EIF4G3: variants seen among roughly 807,000 people sequenced by gnomAD.
EIF4G3 encodes eIF-4-gamma 3.
In EIF4G3, 34 loss-of-function variants were observed where a neutral mutation model predicts 186.4. The ratio of observed to expected loss-of-function variants is 0.18; its 90% CI spans 0.14 to 0.24. The LOEUF (loss-of-function observed/expected upper bound fraction) is 0.24, where lower values mean the gene tolerates loss of function less well. Among genes scored for constraint, EIF4G3 ranks in the 10% least tolerant of loss-of-function variants. EIF4G3 has a pLI of 1.00. For missense variants in EIF4G3, 1,536 were observed against 1,948.5 expected, an observed-to-expected ratio of 0.79 and a Z score of 3.99; for synonymous variants, 673 against 679.5, an observed-to-expected ratio of 0.99 and a Z score of 0.15.
At chr1:21,163,997 C>T (rs1259262340) in intron 2 of EIF4G3, among the ~76,000 whole-genome samples, 1 of 152,122 alleles carries the variant, frequency 6.6e-6, no homozygotes, top group East Asian at 1.9e-4. Context: ...TGGTCTCGTA[C>T]TCCTGACCTT....
chr1:20,863,754 C>T (rs2076939583), intron 22 of EIF4G3, among the ~76,000 whole-genome samples: 2 of 125,242 alleles, frequency 1.6e-5, no homozygotes, highest in Non-Finnish European at 3.5e-5. Context: ...GACCCTGTTA[C>T]TTAAAAAAAA....
At chr1:21,117,206 T>A (rs976995705) in intron 2 of EIF4G3, among the ~76,000 whole-genome samples, 2 of 152,134 alleles carry the variant, frequency 1.3e-5, no homozygotes, top group African/African-American at 2.4e-5. Context: ...ATTATCCACA[T>A]AATTGTCTAA....
chr1:20,849,300 T>C (rs2072455376), intron 29 of EIF4G3, 115 bp downstream of exon 29: 3 of 505,530 alleles, frequency 5.9e-6, no homozygotes, highest in Non-Finnish European at 1.0e-5. Context: ...AGGACTTGTA[T>C]TACTCAACCT....
intron 4 of EIF4G3, among the ~76,000 whole-genome samples, chr1:21,027,372 T>C (rs1369120979): frequency 1.3e-5 from 2 of 151,812 alleles, no homozygotes; most frequent in Non-Finnish European, 2.9e-5. Flanking sequence ...GGCTCGTGCC[T>C]GTAATCCCAG....
chr1:21,125,254 G>A (rs1337064345), intron 2 of EIF4G3, among the ~76,000 whole-genome samples: 1 of 152,108 alleles, frequency 6.6e-6, no homozygotes, highest in Non-Finnish European at 1.5e-5. Flanking sequence ...AATTCTAAAT[G>A]ATATTCAACT....
rs2094377034 is a variant in EIF4G3, at chr1:21,053,405, TG to T, written c.-195-2412del. Reference sequence around the variant, plus strand: ...CCCCCGCCCGGACAGCCGCCCCGTCTGGAAGGGAGGTGGGGGGGTTAGCCCA... The same window carrying T: ...CCCCCGCCCGGACAGCCGCCCCGTCTGAAGGGAGGTGGGGGGGTTAGCCCA... On this transcript the variant is annotated intron_variant, in intron 3 of 36. Coordinates refer to ENST00000602326, the MANE Select transcript of EIF4G3 (RefSeq NM_001391906.1). 2.1e-5 allele frequency among the ~76,000 whole-genome samples: 3 copies of T among 144,142 alleles called. No homozygotes were observed. The South Asian group carries it at 6.6e-4, about 32-fold the overall frequency. 94.6% of individuals were successfully genotyped at this position (144,142 alleles called of 152,430 possible).
At chr1:20,845,617 G>C (rs545916586) in intron 29 of EIF4G3, among the ~76,000 whole-genome samples, 1 of 151,978 alleles carries the variant, frequency 6.6e-6, no homozygotes, top group African/African-American at 2.4e-5. Context: ...AGCCGAGATC[G>C]CGCCACTGCA....
chr1:21,173,636 C>T (rs1032240416), intron 2 of EIF4G3, among the ~76,000 whole-genome samples: 8 of 151,972 alleles, frequency 5.3e-5, no homozygotes, highest in African/African-American at 1.7e-4. Flanking sequence ...TGCAGTGAGC[C>T]GAGATTACAC....
intron 2 of EIF4G3, among the ~76,000 whole-genome samples, chr1:21,127,864 CA>C (rs1276325304): frequency 6.6e-6 from 1 of 151,852 alleles, no homozygotes; most frequent in Non-Finnish European, 1.5e-5. Flanking sequence ...GCCAGTAAAG[CA>C]AAAAATATTT....
At chr1:20,881,491 CAAAATT>C (rs2082298698) in intron 19 of EIF4G3, among the ~76,000 whole-genome samples, 2 of 152,106 alleles carry the variant, frequency 1.3e-5, no homozygotes, top group Admixed American at 6.5e-5. Context: ...TCAATATTAT[CAAAATT>C]AAAAACAGGC....
At chr1:20,809,428 T>G (rs1570775542) in intron 36 of EIF4G3, among the ~76,000 whole-genome samples, 1 of 152,210 alleles carries the variant, frequency 6.6e-6, no homozygotes, top group Admixed American at 6.5e-5. Context: ...AAAGAACTAC[T>G]TGAGTGCTCT....
intron 4 of EIF4G3, among the ~76,000 whole-genome samples, chr1:21,047,123 A>G (rs1452760336): frequency 3.3e-5 from 5 of 152,158 alleles, no homozygotes; most frequent in Non-Finnish European, 7.3e-5. Context: ...AAAGTAACAA[A>G]GCCAGCCCTA....
rs775953071 is a variant in EIF4G3 at position 20,899,931 on chromosome 1, C to G, written c.1765G>C (p.Glu589Gln). 1.9e-6 allele frequency: 3 copies of G among 1,611,566 alleles called. No homozygotes were observed. In the South Asian group the frequency reaches 3.3e-5, roughly 18 times the overall value. ...AGTACTTTGTCAATGGAAAGCTCCT[C>G]TTCAGCTTTAAGCTAAATAATAAAT... ...LEAELELKAE[E>Q]ELSIDKVLES... Residue 589 changes from glutamate (E) to glutamine (Q), a missense_variant, in exon 16 of 37, where the codon GAG (glutamate) becomes CAG (glutamine). Physicochemically the swap from Glu to Gln is conservative, Grantham distance 29. Around this residue, in one of 11 missense-constraint regions of EIF4G3, gnomAD observed 560 missense variants for 547.8 expected, o/e 1.02. Coordinates refer to ENST00000602326, the MANE Select transcript of EIF4G3 (RefSeq NM_001391906.1).
intron 3 of EIF4G3, among the ~76,000 whole-genome samples, chr1:21,062,737 G>A (rs766057746): frequency 5.9e-5 from 9 of 152,146 alleles, no homozygotes; most frequent in South Asian, 2.1e-4. Flanking sequence ...TTACAGGTGC[G>A]TGCCACCACG....
intron 11 of EIF4G3, among the ~76,000 whole-genome samples, chr1:20,972,454 C>T (rs1337227745): frequency 5.3e-5 from 8 of 151,864 alleles, no homozygotes; most frequent in African/African-American, 1.9e-4. Context: ...GGCAACATGG[C>T]GAAATCCCAC....
At chr1:21,149,264 A>G (rs1441933494) in intron 2 of EIF4G3, among the ~76,000 whole-genome samples, 1 of 152,222 alleles carries the variant, frequency 6.6e-6, no homozygotes, top group African/African-American at 2.4e-5. Flanking sequence ...ATATGTATAC[A>G]TATATAAACA....
chr1:20,989,069 AGGGGAGG>A (rs2080310633), intron 7 of EIF4G3, among the ~76,000 whole-genome samples: 5 of 19,152 alleles, frequency 2.6e-4, no homozygotes, highest in South Asian at 3.3e-3. Flanking sequence ...AGGGGAGGGG[AGGGGAGG>A]GGAGGGGAGA....
At chr1:20,862,542 A>G (rs1225781062) in intron 22 of EIF4G3, among the ~76,000 whole-genome samples, 2 of 152,116 alleles carry the variant, frequency 1.3e-5, no homozygotes, top group African/African-American at 2.4e-5. Context: ...CCTCTCGAGT[A>G]GCTGGGACTA....
chr1:21,058,467 C>G (rs1042591614), intron 3 of EIF4G3, among the ~76,000 whole-genome samples: 1 of 152,048 alleles, frequency 6.6e-6, no homozygotes, highest in Non-Finnish European at 1.5e-5. Flanking sequence ...ACACAGGCAG[C>G]CAGAGTGTGG....
Sources: allele counts gnomAD v4.1 joint callset (sites outside exome capture counted in the v4.1 genomes callset), GRCh38; gene constraint gnomAD v4.1.1; regional missense constraint gnomAD v4.1.1; transcripts MANE v1.5; gene names NCBI Gene and HGNC (gene_info 2026-07-23, HGNC 2026-07-21).